Variants in LIX1 observed in about 807,000 individuals in gnomAD.
LIX1 encodes limb and CNS expressed 1.
Under a neutral mutation model 33.4 loss-of-function variants are expected in LIX1, and 24 were observed. That is an observed-to-expected ratio of 0.72 (90% confidence interval 0.52 to 1.01). The LOEUF is 1.01. Ranked by LOEUF, LIX1 falls within the 50% of genes least tolerant of loss-of-function variation. LIX1 has a pLI of 0.00. For missense variants in LIX1, 311 were observed against 339.2 expected (o/e 0.92, Z 0.65); for synonymous variants, 124 against 124.0 (o/e 1.00, Z 0.00).
intron 2 of LIX1, among the ~76,000 whole-genome samples, chr5:97,123,558 AG>A (rs1266098683): frequency 6.6e-6 from 1 of 152,194 alleles, no homozygotes; most frequent in African/African-American, 2.4e-5. Context: ...TCAGCCTCTC[AG>A]CCATTTAAAT....
At chr5:97,115,262 A>G (rs1185894480) in intron 2 of LIX1, among the ~76,000 whole-genome samples, 3 of 152,244 alleles carry the variant, frequency 2.0e-5, no homozygotes, top group Non-Finnish European at 4.4e-5. Flanking sequence ...TTTGGTAATC[A>G]TGTATGTGTT....
At chr5:97,125,363 G>C (rs1016707981) in intron 1 of LIX1, among the ~76,000 whole-genome samples, 1 of 152,214 alleles carries the variant, frequency 6.6e-6, no homozygotes, top group African/African-American at 2.4e-5. Flanking sequence ...TTAAATTGTA[G>C]AAATTAACAA....
rs1214548179 is a variant in LIX1, at chr5:97,124,512, A to ACAAAGGGAGGCC, written c.188_199dup (p.Gly63_Phe66dup). On this transcript the variant is annotated inframe_insertion, in exon 2 of 6. Transcript: ENST00000274382. The stretch of plus-strand genomic sequence containing the variant: ...TCCCCCTGGGAGGGTCACGTAACTC[A>ACAAAGGGAGGCC]CAAAGGGAGGCCCAGGAGCTGGCAG... 4 of 1,608,814 alleles carry ACAAAGGGAGGCC rather than the reference A, an allele frequency of 2.5e-6. No homozygotes were observed. Among genetic ancestry groups the ACAAAGGGAGGCC allele is most frequent in the Non-Finnish European group, 3.4e-6 (4 of 1,176,964 alleles).
chr5:97,108,403 C>T (rs1043917698), intron 2 of LIX1, among the ~76,000 whole-genome samples: 5 of 152,242 alleles, frequency 3.3e-5, no homozygotes, highest in Non-Finnish European at 4.4e-5. Context: ...TCCTGCTAGA[C>T]TGGCTTTCTG....
intron 4 of LIX1, among the ~76,000 whole-genome samples, chr5:97,097,344 TAAAG>T (rs376906447): frequency 8.0e-4 from 122 of 152,290 alleles, no homozygotes; most frequent in African/African-American, 2.7e-3. Flanking sequence ...TTTGCAATCA[TAAAG>T]AAAGGATGAG....
At chr5:97,100,344 T>C (rs986359465) in intron 4 of LIX1, among the ~76,000 whole-genome samples, 3 of 152,026 alleles carry the variant, frequency 2.0e-5, no homozygotes, top group African/African-American at 4.8e-5. Flanking sequence ...CGAAGCAGCT[T>C]TTTTTTTCTC....
chr5:97,110,445 AT>A (rs919710179), intron 2 of LIX1, among the ~76,000 whole-genome samples: 1 of 151,864 alleles, frequency 6.6e-6, no homozygotes, highest in Non-Finnish European at 1.5e-5. Context: ...ATTTTTTTTA[AT>A]TTTTTTTGTG....
At chr5:97,111,123 G>T (rs180941350) in intron 2 of LIX1, among the ~76,000 whole-genome samples, 10 of 152,208 alleles carry the variant, frequency 6.6e-5, no homozygotes, top group African/African-American at 1.9e-4. Flanking sequence ...CAGTGTAACT[G>T]TTTGCTAATG....
rs1746253770 is a variant in LIX1, at chr5:97,094,681, C to T, written c.*67G>A. The T allele has an allele frequency of 6.7e-7, 1 of 1,492,122 alleles. No individual in the cohort carries two copies. Among genetic ancestry groups the T allele is most frequent in the Admixed American group, 1.8e-5 (1 of 56,594 alleles). The allele number at this position is 1,492,122 out of a possible 1,614,324, so 92.4% of individuals were successfully genotyped here. On this transcript the variant is annotated 3_prime_UTR_variant, in exon 6 of 6. Transcript: ENST00000274382. ...GAGATGCTGGAGCCTCTGAGGACCT[C>T]TGCACTGAGATTCCTAATGTTAATC...
chr5:97,129,721 A>G (rs1048761911), intron 1 of LIX1, among the ~76,000 whole-genome samples: 10 of 152,350 alleles, frequency 6.6e-5, no homozygotes, highest in Admixed American at 2.6e-4. Context: ...TAATATAGAC[A>G]ATGCTCATTG....
rs895989640 is a variant in LIX1, at chr5:97,107,359, C to T, written c.387+1G>A. The T allele has an allele frequency of 1.4e-5, 23 of 1,611,866 alleles. No homozygotes were observed. The highest frequency in any genetic ancestry group is 1.7e-5 in the Admixed American group (1 of 59,972). Reference sequence around the variant, plus strand: ...TCCTGCCCTCCATGGTGGGTACTCACGCTGGTGGAGGCTACTGCTTCCTGA... The same window carrying T: ...TCCTGCCCTCCATGGTGGGTACTCATGCTGGTGGAGGCTACTGCTTCCTGA... On this transcript the variant is annotated splice_donor_variant, in intron 3 of 5. Coordinates refer to ENST00000274382, the MANE Select transcript of LIX1 (RefSeq NM_153234.5). LOFTEE classifies it high-confidence loss of function.
chr5:97,140,315 G>A (rs1017613375), intron 1 of LIX1, among the ~76,000 whole-genome samples: 1 of 152,170 alleles, frequency 6.6e-6, no homozygotes, highest in Non-Finnish European at 1.5e-5. Flanking sequence ...CTTTCATCTT[G>A]TAGGAAAGTA....
intron 2 of LIX1, among the ~76,000 whole-genome samples, chr5:97,118,282 A>G (rs1016582847): frequency 6.6e-6 from 1 of 152,232 alleles, no homozygotes; most frequent in African/African-American, 2.4e-5. Flanking sequence ...AATTCAAGTC[A>G]TTCCAGCAGG....
At chr5:97,100,664 T>C (rs1746646576) in intron 4 of LIX1, among the ~76,000 whole-genome samples, 1 of 152,176 alleles carries the variant, frequency 6.6e-6, no homozygotes, top group Non-Finnish European at 1.5e-5. Context: ...CCTTGCATGA[T>C]TGCAGAGTGG....
At chr5:97,117,257 C>T (rs892402229) in intron 2 of LIX1, among the ~76,000 whole-genome samples, 1 of 152,204 alleles carries the variant, frequency 6.6e-6, no homozygotes, top group Non-Finnish European at 1.5e-5. Flanking sequence ...CATTGCATAG[C>T]ATGTCGTCCA....
chr5:97,135,578 G>C (rs1748153506), intron 1 of LIX1, among the ~76,000 whole-genome samples: 1 of 152,166 alleles, frequency 6.6e-6, no homozygotes, highest in African/African-American at 2.4e-5. Context: ...CAGCACTCTG[G>C]GAGGCCGAGG....
intron 5 of LIX1, among the ~76,000 whole-genome samples, chr5:97,096,440 GA>G (rs1301020381): frequency 6.6e-6 from 1 of 152,308 alleles, no homozygotes; most frequent in African/African-American, 2.4e-5. Context: ...CGAGGTTTCA[GA>G]AGCAGTGCAT....
At chr5:97,096,364 T>C (rs764850008) in intron 5 of LIX1, among the ~76,000 whole-genome samples, 2 of 152,160 alleles carry the variant, frequency 1.3e-5, no homozygotes, top group Admixed American at 6.5e-5. Flanking sequence ...CTGTTGTTTA[T>C]TGGGGACTTT....
chr5:97,133,981 G>GA (rs967555528), intron 1 of LIX1, among the ~76,000 whole-genome samples: 3 of 151,792 alleles, frequency 2.0e-5, no homozygotes, highest in African/African-American at 7.3e-5. Context: ...AAATTTGACA[G>GA]AAAAAAAAGA....
Sources: gnomAD v4.1 joint callset for allele counts (sites outside exome capture counted in the v4.1 genomes callset) on GRCh38, gnomAD v4.1.1 for gene constraint, MANE v1.5 for transcripts, NCBI Gene and HGNC (gene_info 2026-07-23, HGNC 2026-07-21) for gene names.